RSPH10B2: variants seen among roughly 807,000 people sequenced by gnomAD.
RSPH10B2 encodes radial spoke head 10 homolog B2, also known as radial spoke head 10 homolog B2 (Chlamydomonas).
RSPH10B2 carries 9 observed loss-of-function variants against 49.0 expected under a neutral mutation model. That is an observed-to-expected ratio of 0.18 (90% CI 0.11 to 0.32). The LOEUF (loss-of-function observed/expected upper bound fraction) is 0.32, where lower values mean the gene tolerates loss of function less well. RSPH10B2 is among the 10% of genes least tolerant of loss of function. The pLI is 1.00. For synonymous variants in RSPH10B2, 35 were observed against 210.2 expected, an observed-to-expected ratio of 0.17 and a Z score of 7.21; for missense variants, 95 against 589.9, an observed-to-expected ratio of 0.16 and a Z score of 8.69.
At chr7:6,786,349 AT>A (rs750188511) in intron 14 of RSPH10B2, among the ~76,000 whole-genome samples, 4,629 of 104,562 alleles carry the variant, frequency 0.044, 158 homozygotes, top group Non-Finnish European at 0.055. Flanking sequence ...CGCCCGGCTA[AT>A]TTTTTTTTTT....
At chr7:6,766,555 T>G (rs1228477635) in intron 5 of RSPH10B2, among the ~76,000 whole-genome samples, 1 of 72,124 alleles carries the variant, frequency 1.4e-5, no homozygotes, top group Non-Finnish European at 2.5e-5. Flanking sequence ...CAGGTGATCC[T>G]CCAGCCTCGG....
intron 13 of RSPH10B2, among the ~76,000 whole-genome samples, chr7:6,783,817 T>C (rs1174241626): frequency 5.6e-5 from 8 of 142,176 alleles, no homozygotes; most frequent in East Asian, 4.0e-4. Flanking sequence ...CAATTGCCCA[T>C]TGAATAATAA....
exon 18 of RSPH10B2, chr7:6,796,596 A>G: frequency 8.3e-7 from 1 of 1,208,526 alleles, no homozygotes; most frequent in South Asian, 2.1e-5. Context: ...AGGATGATCG[A>G]GAGGAAGAGT....
At chr7:6,783,718 G>C (rs550001544) in intron 13 of RSPH10B2, among the ~76,000 whole-genome samples, 3 of 151,516 alleles carry the variant, frequency 2.0e-5, no homozygotes, top group Admixed American at 6.6e-5. Flanking sequence ...AGCAGTCCTC[G>C]TGCCTCGGCC....
At chr7:6,783,546 TCCTGCAA>T (rs560493358) in intron 13 of RSPH10B2, among the ~76,000 whole-genome samples, 1,505 of 128,548 alleles carry the variant, frequency 0.012, 129 homozygotes, top group African/African-American at 0.044. Flanking sequence ...AATCTTGGCT[TCCTGCAA>T]CCTCAACCTC....
At chr7:6,782,075 G>A in intron 13 of RSPH10B2, among the ~76,000 whole-genome samples, 1 of 109,398 alleles carries the variant, frequency 9.1e-6, no homozygotes, top group Non-Finnish European at 1.8e-5. Flanking sequence ...CACCACACCT[G>A]GCTAATTTTT....
intron 18 of RSPH10B2, among the ~76,000 whole-genome samples, chr7:6,797,630 G>A (rs1782645621): frequency 6.6e-6 from 1 of 152,414 alleles, no homozygotes; most frequent in East Asian, 1.9e-4. Flanking sequence ...GGGGGCCAAG[G>A]CAGGAGAATC....
upstream of RSPH10B2, among the ~76,000 whole-genome samples, chr7:6,756,225 G>A (rs1466843074): frequency 2.4e-4 from 34 of 140,716 alleles, 4 homozygotes; most frequent in Admixed American, 7.7e-4. Flanking sequence ...AGCCAAGATC[G>A]CACCACCGCA....
At chr7:6,797,695 A>G (rs1255536550) in intron 18 of RSPH10B2, among the ~76,000 whole-genome samples, 355 of 151,798 alleles carry the variant, frequency 2.3e-3, no homozygotes, top group Non-Finnish European at 4.6e-3. Flanking sequence ...CTCTACAAAA[A>G]ATACAAAAAT....
rs1351774674 is a variant in RSPH10B2 at position 6,780,023 on chromosome 7, A to G, written c.1529+299A>G. ...TTTTTAGTAGAGACGGGGTTTCACC[A>G]TGTTGGCCAGGCTGGTTTCAAACTC... On this transcript the variant is annotated intron_variant, in intron 11 of 18. Coordinates refer to ENST00000297186, the Ensembl canonical transcript of RSPH10B2. Among the ~76,000 whole-genome samples, 3 of 104,836 alleles carry G rather than the reference A, an allele frequency of 2.9e-5. 1 individual carries two copies. Among genetic ancestry groups the G allele is most frequent in the Non-Finnish European group, 5.8e-5 (3 of 51,410 alleles). 68.8% of individuals were successfully genotyped at this position (104,836 alleles called of 152,430 possible).
chr7:6,797,864 A>AC (rs1370266545), intron 18 of RSPH10B2, among the ~76,000 whole-genome samples: 2,543 of 69,208 alleles, frequency 0.037, 81 homozygotes, highest in Non-Finnish European at 0.047. Flanking sequence ...AAAAAAAAAA[A>AC]ATACACACAC....
chr7:6,770,717 A>G (rs1158235781), intron 7 of RSPH10B2, among the ~76,000 whole-genome samples: 1 of 151,510 alleles, frequency 6.6e-6, no homozygotes, highest in Non-Finnish European at 1.5e-5. Flanking sequence ...CATCCTGGCT[A>G]ACATGGTGAA....
chr7:6,774,762 T>TG (rs1303235051), intron 9 of RSPH10B2, among the ~76,000 whole-genome samples: 2 of 148,668 alleles, frequency 1.3e-5, no homozygotes, highest in Admixed American at 6.7e-5. Context: ...TTTGTTTTTT[T>TG]TTTTTTCTTG....
chr7:6,780,088 T>G (rs1307268687), intron 11 of RSPH10B2, among the ~76,000 whole-genome samples: 1 of 114,562 alleles, frequency 8.7e-6, no homozygotes, highest in Non-Finnish European at 1.9e-5. Flanking sequence ...CTCTCAAAGT[T>G]CTGGGATTAC....
chr7:6,795,936 A>AAG (rs1384851907), intron 17 of RSPH10B2, among the ~76,000 whole-genome samples: 1 of 147,846 alleles, frequency 6.8e-6, no homozygotes, highest in Non-Finnish European at 1.5e-5. Context: ...TGTCTTTAAA[A>AAG]AAAAAAAGAA....
intron 11 of RSPH10B2, among the ~76,000 whole-genome samples, chr7:6,780,108 C>G (rs1156718070): frequency 8.9e-6 from 1 of 112,976 alleles, no homozygotes; most frequent in African/African-American, 3.2e-5. Context: ...CAGGCGTGAG[C>G]CACCATGCCC....
chr7:6,770,769 G>A (rs1297973147), intron 7 of RSPH10B2, among the ~76,000 whole-genome samples: 4 of 152,394 alleles, frequency 2.6e-5, no homozygotes, highest in South Asian at 2.1e-4. Context: ...GCTGGGTGTG[G>A]TGGCGGGCGC....
intron 13 of RSPH10B2, among the ~76,000 whole-genome samples, chr7:6,785,180 TG>T: frequency 8.9e-6 from 1 of 111,814 alleles, no homozygotes; most frequent in Admixed American, 9.9e-5. Context: ...TGTGTGTGTG[TG>T]TGTGTGTGTG....
chr7:6,780,452 C>T (rs1781891171), intron 11 of RSPH10B2, among the ~76,000 whole-genome samples: 1 of 115,864 alleles, frequency 8.6e-6, no homozygotes, highest in Admixed American at 9.8e-5. Context: ...GGCGCGATCT[C>T]GGCTCACTGC....
Sources: gnomAD v4.1 joint callset for allele counts (sites outside exome capture counted in the v4.1 genomes callset) on GRCh38, gnomAD v4.1.1 for gene constraint, MANE v1.5 for transcripts, NCBI Gene and HGNC (gene_info 2026-07-23, HGNC 2026-07-21) for gene names.